The following FAAH2 variants were observed in gnomAD, a reference collection of about 807,000 sequenced individuals.
The protein encoded by FAAH2 is fatty-acid amide hydrolase 2.
Under a neutral mutation model 36.9 loss-of-function variants are expected in FAAH2, and 60 were observed. That is an observed-to-expected ratio of 1.63 (90% CI 1.32 to 2.02). FAAH2 has a LOEUF of 2.02. FAAH2 is among the 30% of genes most tolerant of loss of function. FAAH2 has a pLI of 0.00. For missense variants in FAAH2, 689 were observed against 397.5 expected (o/e 1.73, Z -6.23); for synonymous variants, 214 against 143.8 (o/e 1.49, Z -3.49).
the FAAH2 span, among the ~76,000 whole-genome samples, chrX:57,264,523 CA>C: frequency 4.4e-4 from 49 of 112,093 alleles, no homozygotes; most frequent in Non-Finnish European, 8.1e-4. Flanking sequence ...ATTATAAAGT[CA>C]AAAAATAACA....
chrX:57,331,635 T>C lies in FAAH2; in HGVS notation c.450T>C (p.Asp150=). 2 of 1,211,919 alleles carry C rather than the reference T, an allele frequency of 1.7e-6. No individual in the cohort carries two copies. Among genetic ancestry groups the C allele is most frequent in the Non-Finnish European group, 2.2e-6 (2 of 895,437 alleles). ...PNSSGLMNRR[D]AIAKTDATVV... is the part of the protein sequence containing the mutation. Reference sequence around the variant, plus strand: ...CTTCTGGACTCATGAACCGTCGTGATGCCATTGCCAAAACAGATGCCACTG... The same window carrying C: ...CTTCTGGACTCATGAACCGTCGTGACGCCATTGCCAAAACAGATGCCACTG... The change falls in exon 4 of 11, where the codon GAT becomes GAC. Residue 150 remains aspartate (D), a synonymous_variant. Transcript: ENST00000374900.
the FAAH2 span, among the ~76,000 whole-genome samples, chrX:57,258,508 T>A: frequency 2.2e-4 from 24 of 110,658 alleles, no homozygotes; most frequent in East Asian, 3.7e-3. Context: ...TGAAAAGCCA[T>A]CCTAGAGGAT....
the FAAH2 span, among the ~76,000 whole-genome samples, chrX:57,200,197 T>A: frequency 1.8e-5 from 2 of 110,331 alleles, no homozygotes; most frequent in South Asian, 3.9e-4. Context: ...GAAGGTGAAT[T>A]TTTCTGGTGA....
chrX:57,449,973 C>A (rs1156534536), intron 10 of FAAH2, among the ~76,000 whole-genome samples: 1 of 111,717 alleles, frequency 9.0e-6, no homozygotes, highest in Non-Finnish European at 1.9e-5. Flanking sequence ...GCCTTAATTT[C>A]TTAAGTCTTT....
At chrX:57,226,566 C>A in the FAAH2 span, among the ~76,000 whole-genome samples, 1 of 111,780 alleles carries the variant, frequency 8.9e-6, no homozygotes, top group Non-Finnish European at 1.9e-5. Context: ...GTGCTTCTGT[C>A]TCAAAACTCT....
At chrX:57,229,950 T>A in the FAAH2 span, among the ~76,000 whole-genome samples, 8 of 111,920 alleles carry the variant, frequency 7.1e-5, no homozygotes, top group Non-Finnish European at 1.5e-4. Flanking sequence ...CCTCTACTTT[T>A]ATTTAGGAAC....
At chrX:57,392,981 A>T (rs917790164) in intron 7 of FAAH2, 2 of 934,182 alleles carry the variant, frequency 2.1e-6, no homozygotes, top group Non-Finnish European at 1.6e-6. Context: ...TTTTATCCTC[A>T]ACTGGGAGCT....
At chrX:57,474,988 A>T (rs1157729865) in intron 10 of FAAH2, among the ~76,000 whole-genome samples, 1 of 111,916 alleles carries the variant, frequency 8.9e-6, no homozygotes, top group Non-Finnish European at 1.9e-5. Context: ...TGGCCGTATA[A>T]ATGTCTTCTT....
intron 10 of FAAH2, among the ~76,000 whole-genome samples, chrX:57,467,494 C>T (rs1359628914): frequency 2.7e-5 from 3 of 111,936 alleles, no homozygotes; most frequent in Non-Finnish European, 5.6e-5. Context: ...CATGGAGCCA[C>T]ACTCATTGCT....
intron 2 of FAAH2, among the ~76,000 whole-genome samples, chrX:57,306,535 G>A (rs1417569782): frequency 7.3e-5 from 8 of 109,136 alleles, no homozygotes; most frequent in Non-Finnish European, 1.3e-4. Context: ...ACTCTCAAAC[G>A]TAGGAGATTT....
At chrX:57,288,334 A>ATTTTTTTTTTT (rs1393972572) in intron 1 of FAAH2, among the ~76,000 whole-genome samples, 8 of 61,175 alleles carry the variant, frequency 1.3e-4, no homozygotes, top group African/African-American at 6.3e-4. Context: ...TCTTAAAAAC[A>ATTTTTTTTTTT]TTTCTTTTTT....
intron 2 of FAAH2, among the ~76,000 whole-genome samples, 186 bp from the exon 3 acceptor site, chrX:57,310,407 T>C (rs1164775618): frequency 8.9e-6 from 1 of 112,045 alleles, no homozygotes; most frequent in African/African-American, 3.2e-5. Context: ...GTTGGATTAC[T>C]GTTCTTATGA....
At chrX:57,288,275 G>A (rs1234865010) in intron 1 of FAAH2, among the ~76,000 whole-genome samples, 1 of 106,461 alleles carries the variant, frequency 9.4e-6, no homozygotes, top group Non-Finnish European at 1.9e-5. Context: ...TCTAGAGTCA[G>A]ACTCCCTGGG....
intron 10 of FAAH2, among the ~76,000 whole-genome samples, chrX:57,457,093 A>G (rs1463347552): frequency 8.9e-6 from 1 of 112,051 alleles, no homozygotes; most frequent in Non-Finnish European, 1.9e-5. Flanking sequence ...TCAAAAAGTT[A>G]ATCCAACACA....
the FAAH2 span, among the ~76,000 whole-genome samples, chrX:57,255,056 G>A: frequency 3.6e-5 from 4 of 110,641 alleles, no homozygotes; most frequent in Non-Finnish European, 7.6e-5. Context: ...AGAAAAGAGG[G>A]AATAATCAAA....
At chrX:57,212,951 C>A in the FAAH2 span, among the ~76,000 whole-genome samples, 1 of 111,194 alleles carries the variant, frequency 9.0e-6, no homozygotes, top group South Asian at 3.8e-4. Context: ...TTCATCTGGT[C>A]CAGGTTTGTT....
At chrX:57,300,879 A>G (rs750979230) in intron 2 of FAAH2, among the ~76,000 whole-genome samples, 1 of 112,508 alleles carries the variant, frequency 8.9e-6, no homozygotes, top group South Asian at 3.7e-4. Flanking sequence ...ATCACTGGCC[A>G]TCAGAGAAAT....
At chrX:57,389,419 C>A (rs944003239) in intron 7 of FAAH2, among the ~76,000 whole-genome samples, 2 of 107,612 alleles carry the variant, frequency 1.9e-5, no homozygotes, top group Non-Finnish European at 3.9e-5. Flanking sequence ...ATTCTACTCT[C>A]TACTTCTAGG....
intron 7 of FAAH2, among the ~76,000 whole-genome samples, chrX:57,400,849 G>A (rs1000560324): frequency 6.2e-5 from 7 of 112,485 alleles, no homozygotes; most frequent in Middle Eastern, 4.7e-3. Context: ...GGGGCTGGGC[G>A]CAGTGGCTCA....
Sources: gnomAD v4.1 joint callset for allele counts (sites outside exome capture counted in the v4.1 genomes callset) on GRCh38, gnomAD v4.1.1 for gene constraint, MANE v1.5 for transcripts, NCBI Gene and HGNC (gene_info 2026-07-23, HGNC 2026-07-21) for gene names.